The following RASA2 variants were observed in gnomAD, a reference collection of about 807,000 sequenced individuals.
RASA2 encodes RAS p21 protein activator 2, also known as ras GTPase-activating protein 2.
In RASA2, 155 loss-of-function variants were observed where a neutral mutation model predicts 118.2. That is an observed-to-expected ratio of 1.31 (90% CI 1.15 to 1.50). The LOEUF (loss-of-function observed/expected upper bound fraction) is 1.50. Among genes scored for constraint, RASA2 ranks in the 40% most tolerant of loss-of-function variants. The pLI is 0.00. For synonymous variants in RASA2, 353 were observed against 349.1 expected, an observed-to-expected ratio of 1.01 and a Z score of -0.12; for missense variants, 1,016 against 1,009.6, an observed-to-expected ratio of 1.01 and a Z score of -0.09.
At position 141,554,035 on chromosome 3, in the gene RASA2, A is replaced by G. The variant is rs185384013; in HGVS notation, c.611+95A>G. ...TTCTACGAGCAAATGATAAATAGCT[A>G]TTTATAACACACAGTAATAAATGCT... On this transcript the variant is annotated intron_variant, in intron 6 of 23. Transcript: ENST00000286364. The G allele has an allele frequency of 3.4e-5, 51 of 1,481,606 alleles. No individual in the cohort carries two copies. The African/African-American group carries it at 7.1e-4, about 21-fold the overall frequency. The allele number at this position is 1,481,606 out of a possible 1,614,324, so 91.8% of individuals were successfully genotyped here. A position where few individuals can be genotyped will look rare whatever the true frequency, so the allele number is the denominator to read the frequency against.
chr3:141,520,932 C>CA (rs2082103434), intron 3 of RASA2, among the ~76,000 whole-genome samples: 2 of 152,024 alleles, frequency 1.3e-5, no homozygotes, highest in African/African-American at 4.8e-5. Context: ...TCAAATAGGG[C>CA]ATAGGGACCA....
intron 5 of RASA2, among the ~76,000 whole-genome samples, chr3:141,546,281 G>A (rs2082484599): frequency 6.6e-6 from 1 of 152,130 alleles, no homozygotes; most frequent in Non-Finnish European, 1.5e-5. Flanking sequence ...CTCCATAGTG[G>A]TTTTATTAAT....
At chr3:141,575,256 T>G (rs1215605693) in intron 14 of RASA2, among the ~76,000 whole-genome samples, 1 of 152,244 alleles carries the variant, frequency 6.6e-6, no homozygotes, top group East Asian at 1.9e-4. Flanking sequence ...TGCAGTTAAC[T>G]GCACTTCTAC....
At chr3:141,580,078 AAAAAAAAATATATATAT>A (rs1302321674) in intron 15 of RASA2, among the ~76,000 whole-genome samples, 3 of 105,298 alleles carry the variant, frequency 2.8e-5, no homozygotes, top group Non-Finnish European at 3.8e-5. Context: ...AGAAAAAAAA[AAAAAAAAATATATATAT>A]ATATATATAT....
chr3:141,596,117 C>G (rs566229725), intron 19 of RASA2, among the ~76,000 whole-genome samples: 1 of 152,224 alleles, frequency 6.6e-6, no homozygotes, highest in Admixed American at 6.5e-5. Flanking sequence ...AATAGGCCGC[C>G]ATATGCTGGG....
At chr3:141,501,737 AG>A (rs1466490800) in intron 1 of RASA2, among the ~76,000 whole-genome samples, 1 of 152,200 alleles carries the variant, frequency 6.6e-6, no homozygotes, top group Non-Finnish European at 1.5e-5. Flanking sequence ...ACCATTATAT[AG>A]GGTTGTCTTA....
At chr3:141,521,772 A>G (rs1343026164) in intron 3 of RASA2, among the ~76,000 whole-genome samples, 3 of 152,122 alleles carry the variant, frequency 2.0e-5, no homozygotes, top group Admixed American at 2.0e-4. Context: ...TTCCTTTTGC[A>G]TATAGAGTTA....
rs769631893 is a variant in RASA2, at chr3:141,571,027, G to A, written c.979G>A (p.Gly327Ser). Residue 327 changes from glycine (G) to serine (S), a missense_variant, in exon 10 of 24, where the codon GGT (glycine) becomes AGT (serine). Coordinates refer to ENST00000286364, the MANE Select transcript of RASA2 (RefSeq NM_006506.5). Reference protein sequence around the residue: ...EDYVLPSEYYGPLKTLLLKSP... With the variant: ...EDYVLPSEYYSPLKTLLLKSP... The stretch of plus-strand genomic sequence containing the variant: ...CTACGTGCTTCCTTCAGAGTACTAT[G>A]GTCCTTTGAAAACTTTGCTGCTAAA... 1.9e-6 allele frequency: 3 copies of A among 1,607,610 alleles called. No individual in the cohort carries two copies. In the South Asian group the frequency reaches 3.4e-5, roughly 18 times the overall value.
chr3:141,516,862 T>C lies in RASA2; in HGVS notation c.355+431T>C, dbSNP rs868629369. Reference sequence around the variant, plus strand: ...GATCTTGGCTCACTGCAACCTCTACTTCCCAGGTTAAGCGATTTCTCCTGT... The same window carrying C: ...GATCTTGGCTCACTGCAACCTCTACCTCCCAGGTTAAGCGATTTCTCCTGT... On this transcript the variant is annotated intron_variant, in intron 3 of 23. Transcript: ENST00000286364. Among the ~76,000 whole-genome samples, 3 of 152,138 alleles carry C rather than the reference T, an allele frequency of 2.0e-5. No individual in the cohort carries two copies. In the Middle Eastern group the frequency reaches 0.01, roughly 517 times the overall value.
At chr3:141,542,034 A>G (rs1172096362) in intron 5 of RASA2, among the ~76,000 whole-genome samples, 1 of 151,980 alleles carries the variant, frequency 6.6e-6, no homozygotes, top group Non-Finnish European at 1.5e-5. Flanking sequence ...TTTGCATTCA[A>G]TTTAAGGGTT....
chr3:141,509,188 C>T (rs979545714), intron 1 of RASA2, among the ~76,000 whole-genome samples: 1 of 152,174 alleles, frequency 6.6e-6, no homozygotes, highest in African/African-American at 2.4e-5. Flanking sequence ...TTTATTTGAA[C>T]TTCAGTCATT....
chr3:141,528,035 T>C (rs1039419026), intron 3 of RASA2, among the ~76,000 whole-genome samples: 6 of 151,946 alleles, frequency 3.9e-5, no homozygotes, highest in Non-Finnish European at 7.4e-5. Flanking sequence ...AAGATACGTA[T>C]TTGTTATCAG....
At chr3:141,543,876 C>CTTTTTTTTTTTTTTT (rs529631210) in intron 5 of RASA2, among the ~76,000 whole-genome samples, 87 of 117,298 alleles carry the variant, frequency 7.4e-4, no homozygotes, top group Non-Finnish European at 1.0e-3. Flanking sequence ...TTTCTTTTTT[C>CTTTTTTTTTTTTTTT]TTTTTTTTTT....
chr3:141,581,777 A>G lies in RASA2; in HGVS notation c.1752+600A>G, dbSNP rs930842467. 2.0e-5 allele frequency among the ~76,000 whole-genome samples: 3 copies of G among 152,348 alleles called. 1 individual carries two copies. On this transcript the variant is annotated intron_variant, in intron 17 of 23. Coordinates refer to ENST00000286364, the MANE Select transcript of RASA2 (RefSeq NM_006506.5). ...AGTAACCTGAGGAAAATTACTATAA[A>G]TGTACAAAAACCTGTAGTATATAAT...
chr3:141,598,071 A>C (rs147273968), intron 19 of RASA2, among the ~76,000 whole-genome samples: 164 of 152,318 alleles, frequency 1.1e-3, no homozygotes, highest in Middle Eastern at 6.8e-3. Context: ...GTCCTAAAAA[A>C]GAATGCCAGG....
At chr3:141,517,757 C>T (rs928509122) in intron 3 of RASA2, among the ~76,000 whole-genome samples, 7 of 152,082 alleles carry the variant, frequency 4.6e-5, no homozygotes, top group African/African-American at 1.4e-4. Flanking sequence ...GGGTTCACGC[C>T]ATTCTCCTGC....
intron 19 of RASA2, among the ~76,000 whole-genome samples, chr3:141,596,107 A>G (rs1292997495): frequency 6.6e-6 from 1 of 152,228 alleles, no homozygotes; most frequent in Non-Finnish European, 1.5e-5. Context: ...CATTCAGTAA[A>G]ATAGGCCGCC....
At chr3:141,602,733 G>A (rs953940582) in intron 19 of RASA2, among the ~76,000 whole-genome samples, 1 of 152,206 alleles carries the variant, frequency 6.6e-6, no homozygotes, top group Non-Finnish European at 1.5e-5. Flanking sequence ...GTCAACAAAT[G>A]AATTGAGCAG....
intron 1 of RASA2, among the ~76,000 whole-genome samples, chr3:141,489,840 C>G (rs1309766521): frequency 2.0e-5 from 3 of 151,848 alleles, no homozygotes; most frequent in Non-Finnish European, 4.4e-5. Flanking sequence ...AGATATTTGT[C>G]TATTGGACAA....
Sources: gnomAD v4.1 joint callset for allele counts (sites outside exome capture counted in the v4.1 genomes callset) on GRCh38, gnomAD v4.1.1 for gene constraint, MANE v1.5 for transcripts, NCBI Gene and HGNC (gene_info 2026-07-23, HGNC 2026-07-21) for gene names.